ROCK1: variants seen among roughly 807,000 people sequenced by gnomAD.
ROCK1 encodes rho-associated protein kinase 1.
A neutral mutation model predicts 196.8 loss-of-function variants in ROCK1; 36 were observed. The observed-to-expected ratio is 0.18, with a 90% confidence interval of 0.14 to 0.24. The LOEUF (loss-of-function observed/expected upper bound fraction) is 0.24. Ranked by LOEUF, ROCK1 falls within the 10% of genes least tolerant of loss-of-function variation. The pLI is 1.00. For missense variants in ROCK1, 920 were observed against 1,562.0 expected, an observed-to-expected ratio of 0.59 and a Z score of 6.93; for synonymous variants, 443 against 515.9, an observed-to-expected ratio of 0.86 and a Z score of 1.91.
At chr18:21,050,310 A>C (rs1400939770) in intron 2 of ROCK1, among the ~76,000 whole-genome samples, 1 of 151,860 alleles carries the variant, frequency 6.6e-6, no homozygotes, top group African/African-American at 2.4e-5. Flanking sequence ...CCTTTAAAAA[A>C]AGATGTAATT....
chr18:20,984,971 A>G (rs576899925), intron 19 of ROCK1, among the ~76,000 whole-genome samples: 46 of 152,006 alleles, frequency 3.0e-4, no homozygotes, highest in African/African-American at 9.2e-4. Flanking sequence ...AAAATTGGCC[A>G]GGCATGGTGG....
chr18:20,967,607 T>C, intron 26 of ROCK1, 145 bp downstream of exon 26: 1 of 566,730 alleles, frequency 1.8e-6, no homozygotes, highest in East Asian at 3.0e-5. Context: ...ATAACAGCCA[T>C]ATCCCAATTT....
chr18:20,958,733 A>T (rs1466585416), intron 29 of ROCK1, among the ~76,000 whole-genome samples: 1 of 150,282 alleles, frequency 6.7e-6, no homozygotes, highest in East Asian at 1.9e-4. Context: ...CATATAACCT[A>T]GGCACATCCT....
chr18:21,110,184 C>T (rs530763341), intron 1 of ROCK1, among the ~76,000 whole-genome samples: 62 of 152,192 alleles, frequency 4.1e-4, no homozygotes, highest in African/African-American at 1.4e-3. Context: ...AAGACAGTTA[C>T]AATAACTGTA....
chr18:21,048,807 C>T (rs2036182019), intron 4 of ROCK1, among the ~76,000 whole-genome samples: 1 of 152,132 alleles, frequency 6.6e-6, no homozygotes, highest in South Asian at 2.1e-4. Context: ...GCCTTGTCCT[C>T]CCAAAGTATT....
At chr18:20,980,103 A>G in intron 21 of ROCK1, 99 bp from the exon 22 acceptor site, 3 of 1,325,630 alleles carry the variant, frequency 2.3e-6, no homozygotes, top group Non-Finnish European at 3.0e-6. Flanking sequence ...TGATCCAACA[A>G]TTCCACTCTC....
At chr18:21,084,431 A>G (rs1429065843) in intron 1 of ROCK1, among the ~76,000 whole-genome samples, 1 of 152,046 alleles carries the variant, frequency 6.6e-6, no homozygotes, top group Non-Finnish European at 1.5e-5. Flanking sequence ...AAACAACTCA[A>G]TTTTAAAATG....
chr18:20,956,240 A>G (rs547655961), intron 29 of ROCK1, among the ~76,000 whole-genome samples: 1 of 152,344 alleles, frequency 6.6e-6, no homozygotes, highest in African/African-American at 2.4e-5. Context: ...AGAAAAGATA[A>G]GAAATGGTGT....
At chr18:21,001,423 A>G (rs553290818) in intron 16 of ROCK1, among the ~76,000 whole-genome samples, 53 of 152,350 alleles carry the variant, frequency 3.5e-4, no homozygotes, top group African/African-American at 1.2e-3. Flanking sequence ...GCTTTTTGTT[A>G]CAAGAATTTC....
intron 16 of ROCK1, among the ~76,000 whole-genome samples, chr18:21,003,669 A>G (rs2143432214): frequency 6.6e-6 from 1 of 152,294 alleles, no homozygotes; most frequent in Admixed American, 6.5e-5. Flanking sequence ...CTGGCTACCA[A>G]ATGAAGGTTT....
At chr18:20,983,506 T>C (rs993258867) in intron 20 of ROCK1, among the ~76,000 whole-genome samples, 54 of 151,972 alleles carry the variant, frequency 3.6e-4, no homozygotes, top group African/African-American at 1.3e-3. Flanking sequence ...AATTATTTAC[T>C]GTATAATATG....
intron 1 of ROCK1, among the ~76,000 whole-genome samples, chr18:21,103,015 CTGAGA>C (rs1262890822): frequency 6.6e-6 from 1 of 152,156 alleles, no homozygotes; most frequent in Non-Finnish European, 1.5e-5. Flanking sequence ...TCTCACCTCC[CTGAGA>C]TATCAGACTT....
At position 20,978,371 on chromosome 18, in the gene ROCK1, T is replaced by C. The variant is rs1598515352; in HGVS notation, c.2654+1539A>G. Among the ~76,000 whole-genome samples the C allele has an allele frequency of 6.6e-5, 10 of 152,214 alleles. No homozygotes were observed. In the South Asian group the frequency reaches 2.1e-3, roughly 32 times the overall value. ...GTCTTCTTCCTCCTAAAAATCAGAT[T>C]TGAATCTGATTAAGCTTCTAAATCA... On this transcript the variant is annotated intron_variant, in intron 22 of 32. Transcript: ENST00000399799.
chr18:21,056,151 T>A lies in ROCK1; in HGVS notation c.176-6271A>T, dbSNP rs151169871. ...CAAGGCTCAGCCCTCAATGGTGACT[T>A]CTTCTCTATCTACACTCACTTCTCT... On this transcript the variant is annotated intron_variant, in intron 2 of 32. Transcript: ENST00000399799. Among the ~76,000 whole-genome samples the A allele has an allele frequency of 1.5e-3, 235 of 151,636 alleles. 2 individuals carry two copies. The highest frequency in any genetic ancestry group is 5.5e-3 in the African/African-American group (228 of 41,268).
intron 10 of ROCK1, among the ~76,000 whole-genome samples, chr18:21,027,915 C>A (rs2035973991): frequency 6.9e-6 from 1 of 145,780 alleles, no homozygotes; most frequent in Non-Finnish European, 1.5e-5. Context: ...GCGCCCGCTA[C>A]CACGCCCGGC....
chr18:21,079,886 C>CG (rs1298194798), intron 1 of ROCK1, among the ~76,000 whole-genome samples: 1 of 152,148 alleles, frequency 6.6e-6, no homozygotes, highest in Non-Finnish European at 1.5e-5. Flanking sequence ...GCCAGGTTTA[C>CG]GAAGAGGATA....
chr18:21,068,602 A>T (rs1480874675), intron 2 of ROCK1, among the ~76,000 whole-genome samples: 1 of 152,164 alleles, frequency 6.6e-6, no homozygotes, highest in African/African-American at 2.4e-5. Flanking sequence ...CAATCCATGA[A>T]CATTGAATAT....
At chr18:21,029,523 G>A (rs2035988557) in intron 9 of ROCK1, among the ~76,000 whole-genome samples, 1 of 152,034 alleles carries the variant, frequency 6.6e-6, no homozygotes, top group African/African-American at 2.4e-5. Flanking sequence ...TGTATTTTCA[G>A]ACTAGCTACC....
chr18:20,988,726 C>G (rs573595521), intron 18 of ROCK1, among the ~76,000 whole-genome samples: 1 of 152,296 alleles, frequency 6.6e-6, no homozygotes, highest in South Asian at 2.1e-4. Context: ...GAACCCCCAT[C>G]CAGGGCAGTG....
Sources: allele counts gnomAD v4.1 joint callset (sites outside exome capture counted in the v4.1 genomes callset), GRCh38; gene constraint gnomAD v4.1.1; transcripts MANE v1.5; gene names NCBI Gene and HGNC (gene_info 2026-07-23, HGNC 2026-07-21).